The following CTNNA3 variants were observed in gnomAD, a reference collection of about 807,000 sequenced individuals.
The protein encoded by CTNNA3 is catenin alpha 3, also known as catenin alpha-3.
In CTNNA3, 76 loss-of-function variants were observed where a neutral mutation model predicts 95.7. The ratio of observed to expected loss-of-function variants is 0.79; its 90% CI spans 0.66 to 0.96. The LOEUF (loss-of-function observed/expected upper bound fraction) is 0.96. Among genes scored for constraint, CTNNA3 ranks in the 40% least tolerant of loss-of-function variants. The pLI, the probability that CTNNA3 is intolerant of heterozygous loss-of-function variation, is 0.00. For missense variants in CTNNA3, 1,191 were observed against 1,089.8 expected (o/e 1.09, Z -1.31); for synonymous variants, 431 against 374.4 (o/e 1.15, Z -1.74).
intron 10 of CTNNA3, among the ~76,000 whole-genome samples, chr10:66,602,306 T>C (rs1193425500): frequency 6.6e-6 from 1 of 151,962 alleles, no homozygotes; most frequent in Non-Finnish European, 1.5e-5. Flanking sequence ...AAAATAATGT[T>C]ATGAACAAAA....
At chr10:66,928,283 C>A in intron 7 of CTNNA3, 1 of 1,614,120 alleles carries the variant, frequency 6.2e-7, no homozygotes, top group Non-Finnish European at 8.5e-7. Context: ...CAGCAGCGCT[C>A]CCTCATGCGA....
At chr10:66,985,964 G>C (rs1024229558) in intron 7 of CTNNA3, among the ~76,000 whole-genome samples, 10 of 152,128 alleles carry the variant, frequency 6.6e-5, no homozygotes, top group African/African-American at 2.2e-4. Flanking sequence ...CTGACCTCAT[G>C]ATCCTCTGGC....
intron 13 of CTNNA3, among the ~76,000 whole-genome samples, chr10:66,235,071 C>G (rs1273754751): frequency 6.6e-6 from 1 of 152,150 alleles, no homozygotes; most frequent in African/African-American, 2.4e-5. Flanking sequence ...GCTTGTTGAG[C>G]CTTCAGATAG....
At chr10:67,587,803 ACCTTTTGAT>A (rs1211265872) in intron 3 of CTNNA3, among the ~76,000 whole-genome samples, 1 of 152,106 alleles carries the variant, frequency 6.6e-6, no homozygotes, top group African/African-American at 2.4e-5. Flanking sequence ...GGCTTTCTAA[ACCTTTTGAT>A]CCCTTTTTGC....
intron 7 of CTNNA3, among the ~76,000 whole-genome samples, chr10:66,776,551 C>A (rs1343618011): frequency 1.3e-5 from 2 of 152,176 alleles, no homozygotes; most frequent in South Asian, 2.1e-4. Flanking sequence ...ACTCTCTATA[C>A]TCTGTCCTAA....
intron 1 of CTNNA3, among the ~76,000 whole-genome samples, chr10:67,704,514 C>T (rs1007628000): frequency 2.4e-4 from 37 of 152,284 alleles, no homozygotes; most frequent in Middle Eastern, 3.4e-3. Context: ...CTGAGAAAAA[C>T]AAGCAATGGG....
chr10:67,520,741 T>A (rs1042884624), intron 5 of CTNNA3, among the ~76,000 whole-genome samples: 1 of 152,220 alleles, frequency 6.6e-6, no homozygotes, highest in African/African-American at 2.4e-5. Context: ...AAAGGTTAAA[T>A]GTCCATGTAA....
chr10:66,344,213 C>G (rs1315671374), intron 12 of CTNNA3, among the ~76,000 whole-genome samples: 1 of 96,598 alleles, frequency 1.0e-5, no homozygotes, highest in African/African-American at 3.6e-5. Flanking sequence ...GGGGACAGGG[C>G]GAGACTCCAT....
intron 11 of CTNNA3, among the ~76,000 whole-genome samples, chr10:66,504,509 C>A (rs1419234833): frequency 2.6e-5 from 4 of 152,276 alleles, no homozygotes; most frequent in South Asian, 2.1e-4. Flanking sequence ...TCTCACCAGC[C>A]TAAAGCCCCT....
At chr10:66,992,846 C>G (rs1462288520) in intron 7 of CTNNA3, among the ~76,000 whole-genome samples, 2 of 152,056 alleles carry the variant, frequency 1.3e-5, no homozygotes, top group African/African-American at 4.8e-5. Flanking sequence ...AGTGATACAA[C>G]AAGGCTTTTA....
Position 65,916,864 on chromosome 10 carries a change from A to G in CTNNA3, c.*3466T>C, listed in dbSNP as rs2133094944. 1 of 152,280 alleles carries G rather than the reference A, an allele frequency of 6.6e-6. No individual in the cohort carries two copies. Among genetic ancestry groups the G allele is most frequent in the South Asian group, 2.1e-4 (1 of 4,832 alleles). 9.4% of individuals were successfully genotyped at this position (152,280 alleles called of 1,614,324 possible). A position where few individuals can be genotyped will look rare whatever the true frequency, so the allele number is the denominator to read the frequency against. ...AACACCCTCAAAATGAAGGTTCAGG[A>G]AGCCGTTGAAGTCACTTACTCTGTT... On this transcript the variant is annotated 3_prime_UTR_variant, in exon 18 of 18. Transcript: ENST00000433211.
At chr10:67,682,123 A>C (rs953161068) in intron 1 of CTNNA3, among the ~76,000 whole-genome samples, 12 of 150,324 alleles carry the variant, frequency 8.0e-5, no homozygotes, top group Non-Finnish European at 1.2e-4. Context: ...GCGCCATTGC[A>C]CTCCAACCTG....
chr10:66,467,312 G>T (rs1289368151), intron 11 of CTNNA3, among the ~76,000 whole-genome samples: 3 of 152,054 alleles, frequency 2.0e-5, no homozygotes, highest in African/African-American at 7.2e-5. Flanking sequence ...ATTAATGAGT[G>T]AATTCATGCT....
chr10:66,037,661 G>A (rs2079594883), intron 15 of CTNNA3, among the ~76,000 whole-genome samples: 1 of 72,774 alleles, frequency 1.4e-5, no homozygotes, highest in Non-Finnish European at 3.1e-5. Flanking sequence ...ATAGCAAAGT[G>A]GATTCCAGTA....
At chr10:66,715,377 G>A (rs763306404) in intron 9 of CTNNA3, among the ~76,000 whole-genome samples, 1 of 151,972 alleles carries the variant, frequency 6.6e-6, no homozygotes, top group Non-Finnish European at 1.5e-5. Context: ...GCTCCTTAAG[G>A]ATGTTAATGC....
At chr10:66,018,929 T>C (rs1216654063) in intron 15 of CTNNA3, among the ~76,000 whole-genome samples, 2 of 151,476 alleles carry the variant, frequency 1.3e-5, no homozygotes, top group Non-Finnish European at 2.9e-5. Context: ...TCTATTTTAG[T>C]TATAAAGAAA....
intron 1 of CTNNA3, among the ~76,000 whole-genome samples, chr10:67,701,668 T>A (rs1435577343): frequency 6.6e-6 from 1 of 152,086 alleles, no homozygotes; most frequent in African/African-American, 2.4e-5. Context: ...CTGCTGCAAA[T>A]TCATGCCAAA....
chr10:66,568,169 T>C (rs1842769453), intron 10 of CTNNA3, among the ~76,000 whole-genome samples: 2 of 152,196 alleles, frequency 1.3e-5, no homozygotes, highest in South Asian at 2.1e-4. Context: ...GAAGTGATGC[T>C]TGACATTTTT....
chr10:66,641,393 A>C lies in CTNNA3; in HGVS notation c.1282-19609T>G, dbSNP rs986081346. ...GTCTCAACCCACATAATCTCCCTAA[A>C]ATGGGTCTACACTCTTTCCATTGAA... On this transcript the variant is annotated intron_variant, in intron 9 of 17. Coordinates refer to ENST00000433211, the MANE Select transcript of CTNNA3 (RefSeq NM_013266.4). Among the ~76,000 whole-genome samples the C allele has an allele frequency of 4.0e-5, 6 of 151,130 alleles. No homozygotes were observed. In the Admixed American group the frequency reaches 4.0e-4, roughly 10 times the overall value.
Sources: gnomAD v4.1 joint callset for allele counts (sites outside exome capture counted in the v4.1 genomes callset) on GRCh38, gnomAD v4.1.1 for gene constraint, MANE v1.5 for transcripts, NCBI Gene and HGNC (gene_info 2026-07-23, HGNC 2026-07-21) for gene names.